The following KDM6A variants were observed in gnomAD, a reference collection of about 807,000 sequenced individuals.
KDM6A encodes lysine-specific demethylase 6A.
Under a neutral mutation model 117.6 loss-of-function variants are expected in KDM6A, and 11 were observed. That is an observed-to-expected ratio of 0.09 (90% CI 0.06 to 0.15). KDM6A has a LOEUF of 0.15. Among genes scored for constraint, KDM6A ranks in the 10% least tolerant of loss-of-function variants. The pLI, the probability that KDM6A is intolerant of heterozygous loss-of-function variation, is 1.00. For synonymous variants in KDM6A, 384 were observed against 396.1 expected (o/e 0.97, Z 0.36); for missense variants, 799 against 1,077.3 (o/e 0.74, Z 3.62).
chrX:44,898,743 CAG>C (rs974259964), intron 2 of KDM6A, among the ~76,000 whole-genome samples: 36 of 111,140 alleles, frequency 3.2e-4, no homozygotes, highest in African/African-American at 1.0e-3. Context: ...ACTAACCCAA[CAG>C]GGGAACTGGA....
At position 45,083,475 on chromosome X, in the gene KDM6A, A is replaced by C; in HGVS notation, c.3456A>C (p.Leu1152=). Residue 1152 remains leucine, a synonymous_variant, in exon 24 of 30, where the codon CTA becomes CTC. Coordinates refer to ENST00000611820, the MANE Select transcript of KDM6A (RefSeq NM_001291415.2). ...LSDDKKWKLQ[L]HELTKLPAFV... ...TTTATTGCAGGTGGAAGTTGCAGCT[A>C]CATGAGCTGACTAAACTTCCTGCTT... 1 of 1,209,668 alleles carries C rather than the reference A, an allele frequency of 8.3e-7. No individual in the cohort carries two copies. Among genetic ancestry groups the C allele is most frequent in the South Asian group, 1.8e-5 (1 of 56,902 alleles).
intron 4 of KDM6A, among the ~76,000 whole-genome samples, chrX:44,984,117 A>AG (rs2040061426): frequency 9.1e-6 from 1 of 109,731 alleles, no homozygotes; most frequent in Non-Finnish European, 1.9e-5. Flanking sequence ...CTGGTGTGAG[A>AG]TGGTATCTCA....
At chrX:45,041,397 C>T (rs1356586788) in intron 8 of KDM6A, among the ~76,000 whole-genome samples, 2 of 102,347 alleles carry the variant, frequency 2.0e-5, no homozygotes, top group Non-Finnish European at 4.0e-5. Flanking sequence ...AGCCCCTCAC[C>T]TCCCGGACGG....
intron 27 of KDM6A, among the ~76,000 whole-genome samples, chrX:45,101,341 T>C (rs1248329041): frequency 1.8e-5 from 2 of 111,476 alleles, no homozygotes; most frequent in Admixed American, 1.9e-4. Context: ...AGTCTTAGCA[T>C]ACGATAAGCA....
At chrX:44,977,379 CGAG>C (rs1229760492) in intron 4 of KDM6A, among the ~76,000 whole-genome samples, 3 of 110,758 alleles carry the variant, frequency 2.7e-5, no homozygotes, top group Non-Finnish European at 3.8e-5. Context: ...CTCAGCCTCT[CGAG>C]GAGCTGGGAC....
In KDM6A at chrX:45,073,329, A is replaced by G. The variant is rs756360850; in HGVS notation, c.2858+2972A>G. On this transcript the variant is annotated intron_variant, in intron 18 of 29. Coordinates refer to ENST00000611820, the MANE Select transcript of KDM6A (RefSeq NM_001291415.2). ...GCTATTGTGAATAGTGCCACAATAA[A>G]CATACGTGTGCGTGTGTCTTTATAG... 7.2e-5 allele frequency among the ~76,000 whole-genome samples: 8 copies of G among 111,716 alleles called. No homozygotes were observed. In the South Asian group the frequency reaches 2.6e-3, roughly 36 times the overall value.
intron 4 of KDM6A, among the ~76,000 whole-genome samples, chrX:44,988,589 T>G (rs898235737): frequency 9.0e-6 from 1 of 111,531 alleles, no homozygotes; most frequent in Non-Finnish European, 1.9e-5. Context: ...GGGGTTTTGA[T>G]GTGGATGTCC....
chrX:45,096,966 G>T (rs928940983), intron 27 of KDM6A, among the ~76,000 whole-genome samples: 5 of 111,856 alleles, frequency 4.5e-5, no homozygotes, highest in Non-Finnish European at 9.4e-5. Flanking sequence ...CAACCTAAAT[G>T]CTCATCAGTG....
At chrX:44,995,421 A>C (rs2040819134) in intron 4 of KDM6A, among the ~76,000 whole-genome samples, 2 of 111,066 alleles carry the variant, frequency 1.8e-5, no homozygotes, top group Non-Finnish European at 3.8e-5. Flanking sequence ...TGGAAATTAT[A>C]CTATAATTTA....
At chrX:45,044,524 C>T (rs1371544063) in intron 8 of KDM6A, among the ~76,000 whole-genome samples, 1 of 111,716 alleles carries the variant, frequency 9.0e-6, no homozygotes. Flanking sequence ...TACTCCCCTC[C>T]CTAAAGCCAT....
At position 44,873,451 on chromosome X, in the gene KDM6A, A is replaced by C; in HGVS notation, c.-101A>C. On this transcript the variant is annotated 5_prime_UTR_variant, in exon 1 of 30. Transcript: ENST00000611820. ...CCGCGGCGGAGGAGGAGGCGGCGAT[A>C]AAGTTGGTGTGCTGGTCCCGCGCGC... is the stretch of plus-strand genomic sequence containing the variant. The C allele has an allele frequency of 9.4e-7, 1 of 1,063,259 alleles. No homozygotes were observed. The highest frequency in any genetic ancestry group is 1.3e-6 in the Non-Finnish European group (1 of 781,547). The allele number at this position is 1,063,259 out of a possible 1,213,427, so 87.6% of individuals were successfully genotyped here. A position where few individuals can be genotyped will look rare whatever the true frequency, so the allele number is the denominator to read the frequency against.
chrX:44,963,483 G>GTCTGTC (rs1556012410), intron 3 of KDM6A, among the ~76,000 whole-genome samples: 39 of 40,891 alleles, frequency 9.5e-4, no homozygotes, highest in African/African-American at 2.3e-3. Context: ...GTGTGTGTGT[G>GTCTGTC]TGTCTGTCTG....
At chrX:44,898,457 G>A (rs1253679704) in intron 2 of KDM6A, among the ~76,000 whole-genome samples, 1 of 111,849 alleles carries the variant, frequency 8.9e-6, no homozygotes, top group Non-Finnish European at 1.9e-5. Flanking sequence ...GTTCAGTCTT[G>A]TTGATGGCTG....
intron 6 of KDM6A, among the ~76,000 whole-genome samples, chrX:45,025,140 T>C (rs2042315065): frequency 8.9e-6 from 1 of 112,038 alleles, no homozygotes; most frequent in Non-Finnish European, 1.9e-5. Flanking sequence ...TTTGGTTGCC[T>C]AGTTAATGCC....
chrX:45,050,014 A>G (rs1338728977), intron 8 of KDM6A, among the ~76,000 whole-genome samples: 1 of 112,764 alleles, frequency 8.9e-6, no homozygotes, highest in Non-Finnish European at 1.9e-5. Context: ...TTTTGGGGGA[A>G]CTAGTTTAGC....
At chrX:45,078,604 C>CTT in intron 20 of KDM6A, 99 bp downstream of exon 20, 1 of 614,465 alleles carries the variant, frequency 1.6e-6, no homozygotes, top group Non-Finnish European at 2.4e-6. Context: ...TTTCTTTTTT[C>CTT]TTTTTTTTTC....
At chrX:44,995,713 C>T (rs1422690302) in intron 4 of KDM6A, among the ~76,000 whole-genome samples, 1 of 111,494 alleles carries the variant, frequency 9.0e-6, no homozygotes, top group African/African-American at 3.3e-5. Context: ...GGTGATCCAC[C>T]TGCCTCAGTC....
At chrX:45,061,482 A>ATT in intron 15 of KDM6A, 63 bp downstream of exon 15, 1 of 353,097 alleles carries the variant, frequency 2.8e-6, no homozygotes, top group Non-Finnish European at 4.6e-6. Flanking sequence ...AACAAGTATT[A>ATT]ATTTTTTTTT....
chrX:45,005,140 C>G (rs1360106180), intron 4 of KDM6A, among the ~76,000 whole-genome samples: 1 of 110,208 alleles, frequency 9.1e-6, no homozygotes, highest in Non-Finnish European at 1.9e-5. Context: ...CGCTGGAGTC[C>G]TTTTAGAGAG....
Sources: allele counts gnomAD v4.1 joint callset (sites outside exome capture counted in the v4.1 genomes callset), GRCh38; gene constraint gnomAD v4.1.1; transcripts MANE v1.5; gene names NCBI Gene and HGNC (gene_info 2026-07-23, HGNC 2026-07-21).